Variants in TAFA1 observed in about 807,000 individuals in gnomAD.
The protein encoded by TAFA1 is chemokine-like protein TAFA-1.
A neutral mutation model predicts 18.5 loss-of-function variants in TAFA1; 4 were observed. The observed-to-expected ratio is 0.22, with a 90% CI of 0.11 to 0.49. The LOEUF (loss-of-function observed/expected upper bound fraction) is 0.49, where lower values mean the gene tolerates loss of function less well. TAFA1 is among the 20% of genes least tolerant of loss of function. TAFA1 has a pLI of 0.98. For missense variants in TAFA1, 147 were observed against 169.0 expected, an observed-to-expected ratio of 0.87 and a Z score of 0.72; for synonymous variants, 56 against 55.2, an observed-to-expected ratio of 1.01 and a Z score of -0.06.
intron 2 of TAFA1, among the ~76,000 whole-genome samples, chr3:68,387,012 TC>T (rs1393539874): frequency 1.7e-4 from 26 of 152,116 alleles, no homozygotes; most frequent in African/African-American, 6.3e-4. Context: ...CTCAGAATTT[TC>T]TTTATAAAGT....
chr3:68,100,362 T>C (rs781188804), intron 2 of TAFA1, among the ~76,000 whole-genome samples: 1 of 152,016 alleles, frequency 6.6e-6, no homozygotes, highest in Admixed American at 6.6e-5. Flanking sequence ...ACAGGGCCTG[T>C]AATGCTGGCT....
At chr3:68,264,482 A>C (rs1365693247) in intron 2 of TAFA1, among the ~76,000 whole-genome samples, 2 of 152,144 alleles carry the variant, frequency 1.3e-5, no homozygotes, top group African/African-American at 4.8e-5. Context: ...AATGGAAGCA[A>C]CTGTGTGAAA....
chr3:68,492,152 C>G (rs190615788), intron 3 of TAFA1, among the ~76,000 whole-genome samples: 1 of 152,282 alleles, frequency 6.6e-6, no homozygotes, highest in African/African-American at 2.4e-5. Flanking sequence ...CAATGCACCT[C>G]TATATGGAGA....
At chr3:68,409,597 C>T (rs1381953876) in intron 2 of TAFA1, among the ~76,000 whole-genome samples, 1 of 152,156 alleles carries the variant, frequency 6.6e-6, no homozygotes, top group Non-Finnish European at 1.5e-5. Context: ...GTCAGTTAAA[C>T]CTCTTTTATT....
intron 3 of TAFA1, among the ~76,000 whole-genome samples, chr3:68,458,369 T>A (rs1008843138): frequency 2.6e-5 from 4 of 152,214 alleles, no homozygotes; most frequent in African/African-American, 9.6e-5. Context: ...AGTTTTATTA[T>A]ATCATGCAAG....
chr3:68,455,401 C>A (rs1023022715), intron 3 of TAFA1, among the ~76,000 whole-genome samples: 4 of 152,110 alleles, frequency 2.6e-5, no homozygotes, highest in African/African-American at 9.7e-5. Flanking sequence ...AGAACCAATT[C>A]TCTACCCACC....
At chr3:68,213,664 C>G (rs535766423) in intron 2 of TAFA1, among the ~76,000 whole-genome samples, 2 of 152,170 alleles carry the variant, frequency 1.3e-5, no homozygotes, top group East Asian at 3.9e-4. Context: ...AAGATGCACA[C>G]CTTACGTGTT....
At chr3:68,447,117 G>A (rs1358178579) in intron 3 of TAFA1, among the ~76,000 whole-genome samples, 3 of 152,130 alleles carry the variant, frequency 2.0e-5, no homozygotes, top group South Asian at 4.1e-4. Flanking sequence ...TTAAAAGTGG[G>A]TAAAGAAAAG....
At chr3:68,033,035 G>T (rs1003679260) in intron 2 of TAFA1, among the ~76,000 whole-genome samples, 1 of 151,974 alleles carries the variant, frequency 6.6e-6, no homozygotes, top group African/African-American at 2.4e-5. Flanking sequence ...TATATAAATG[G>T]TTGAAGGAAA....
chr3:68,373,592 T>A (rs1400288402), intron 2 of TAFA1, among the ~76,000 whole-genome samples: 1 of 152,204 alleles, frequency 6.6e-6, no homozygotes, highest in South Asian at 2.1e-4. Context: ...GTTTTCCTCA[T>A]TGAAGCCCTT....
At chr3:68,083,015 C>G (rs945779295) in intron 2 of TAFA1, among the ~76,000 whole-genome samples, 1 of 152,112 alleles carries the variant, frequency 6.6e-6, no homozygotes, top group Non-Finnish European at 1.5e-5. Flanking sequence ...CAAATTGTAC[C>G]TTAATTTGTG....
intron 2 of TAFA1, among the ~76,000 whole-genome samples, chr3:68,399,854 G>A (rs1171532009): frequency 6.6e-6 from 1 of 152,136 alleles, no homozygotes; most frequent in Non-Finnish European, 1.5e-5. Context: ...CAGAGGTAGA[G>A]CTGTCAGCAT....
chr3:68,118,494 G>C (rs903660551), intron 2 of TAFA1, among the ~76,000 whole-genome samples: 1 of 152,092 alleles, frequency 6.6e-6, no homozygotes, highest in African/African-American at 2.4e-5. Context: ...AGGGGTTAGG[G>C]ACCCCTGCTC....
intron 2 of TAFA1, among the ~76,000 whole-genome samples, chr3:68,166,875 C>T (rs2065987797): frequency 6.6e-6 from 1 of 152,006 alleles, no homozygotes; most frequent in African/African-American, 2.4e-5. Flanking sequence ...GTACATCCGC[C>T]GTGAAGCCTT....
chr3:68,221,717 G>T (rs571396519), intron 2 of TAFA1, among the ~76,000 whole-genome samples: 97 of 152,282 alleles, frequency 6.4e-4, no homozygotes, highest in African/African-American at 2.3e-3. Context: ...AACTAGCAGG[G>T]TATCTAGGTA....
At chr3:68,516,467 C>CAT (rs1203117418) in intron 3 of TAFA1, among the ~76,000 whole-genome samples, 4 of 152,160 alleles carry the variant, frequency 2.6e-5, no homozygotes, top group African/African-American at 9.7e-5. Context: ...AATTAGGCTA[C>CAT]ATATGTTGCA....
chr3:68,000,631 G>C (rs1490700467), upstream of TAFA1, among the ~76,000 whole-genome samples: 5 of 152,200 alleles, frequency 3.3e-5, no homozygotes, highest in South Asian at 8.3e-4. Context: ...TTAAGTAACA[G>C]GAGTGACATA....
intron 2 of TAFA1, among the ~76,000 whole-genome samples, chr3:68,307,460 A>C (rs2068441114): frequency 6.6e-6 from 1 of 152,224 alleles, no homozygotes; most frequent in Non-Finnish European, 1.5e-5. Context: ...CAGCCATCTG[A>C]TATTTGGATC....
In TAFA1 at chr3:68,439,426, T is replaced by C. The variant is rs936276396; in HGVS notation, c.259+22006T>C. ...ATATATACATACATATATATATATATATATATATATATATATATGAGTTTA... is the reference window on the plus strand; with the variant it reads ...ATATATACATACATATATATATATACATATATATATATATATATGAGTTTA... On this transcript the variant is annotated intron_variant, in intron 3 of 4. Coordinates refer to ENST00000478136, the MANE Select transcript of TAFA1 (RefSeq NM_213609.4). Among the ~76,000 whole-genome samples, 6 of 132,480 alleles carry C rather than the reference T, an allele frequency of 4.5e-5. 1 individual carries two copies. The highest frequency in any genetic ancestry group is 1.7e-4 in the African/African-American group (6 of 34,858). 86.9% of individuals were successfully genotyped at this position (132,480 alleles called of 152,430 possible).
Sources: gnomAD v4.1 joint callset for allele counts (sites outside exome capture counted in the v4.1 genomes callset) on GRCh38, gnomAD v4.1.1 for gene constraint, MANE v1.5 for transcripts, NCBI Gene and HGNC (gene_info 2026-07-23, HGNC 2026-07-21) for gene names.